ACBD7: variants seen among roughly 807,000 people sequenced by gnomAD.
ACBD7 encodes acyl-CoA-binding domain-containing protein 7.
ACBD7 carries 11 observed loss-of-function variants against 13.7 expected under a neutral mutation model. That is an observed-to-expected ratio of 0.80 (90% CI 0.50 to 1.33). The LOEUF (loss-of-function observed/expected upper bound fraction) is 1.33. ACBD7 is among the 40% of genes most tolerant of loss of function. The probability of loss-of-function intolerance (pLI) is 0.00; values close to 1 mark genes in which losing one functional copy is unlikely to be tolerated. For missense variants in ACBD7, 111 were observed against 103.0 expected, an observed-to-expected ratio of 1.08 and a Z score of -0.33; for synonymous variants, 43 against 37.7, an observed-to-expected ratio of 1.14 and a Z score of -0.51.
chr10:15,078,977 G>T lies in ACBD7; in HGVS notation c.76C>A (p.Leu26Met). 1 of 1,608,390 alleles carries T rather than the reference G, an allele frequency of 6.2e-7. No homozygotes were observed. The highest frequency in any genetic ancestry group is 1.1e-5 in the South Asian group (1 of 90,284). The change falls in exon 2 of 4, where the codon CTG (leucine) becomes ATG (methionine). Residue 26 changes from leucine to methionine, a missense_variant. Physicochemically the swap from Leu to Met is conservative, Grantham distance 15. Coordinates refer to ENST00000356189, the MANE Select transcript of ACBD7 (RefSeq NM_001039844.3). ...TTGTAAAGCCCATAGAGTTCTTTCA[G>T]TTCTCCATCATCTGGTCTTGCTTTC... ...KLKARPDDGE[L>M]KELYGLYKQA...
chr10:15,078,015 T>C lies in ACBD7; in HGVS notation c.*515A>G, dbSNP rs1333184220. The C allele has an allele frequency of 6.5e-6, 1 of 154,114 alleles. No homozygotes were observed. Among genetic ancestry groups the C allele is most frequent in the Non-Finnish European group, 1.4e-5 (1 of 69,262 alleles). The allele number at this position is 154,114 out of a possible 1,614,324, so 9.5% of individuals were successfully genotyped here. On this transcript the variant is annotated 3_prime_UTR_variant, in exon 4 of 4. Transcript: ENST00000356189. ...AACGTGCAGTTTTGTTACATAGGTATACATGTGCCATGGTGGTTTGCTGTA... is the reference window on the plus strand; with the variant it reads ...AACGTGCAGTTTTGTTACATAGGTACACATGTGCCATGGTGGTTTGCTGTA...
At chr10:15,084,412 A>C (rs1202420448) in intron 1 of ACBD7, among the ~76,000 whole-genome samples, 1 of 152,182 alleles carries the variant, frequency 6.6e-6, no homozygotes, top group Admixed American at 6.6e-5. Context: ...ATTCCAAAGC[A>C]TTCTTGTTAC....
intron 1 of ACBD7, among the ~76,000 whole-genome samples, chr10:15,085,134 G>C (rs1844794851): frequency 6.6e-6 from 1 of 152,184 alleles, no homozygotes; most frequent in South Asian, 2.1e-4. Context: ...CGGCATCCTG[G>C]TTGAATGTTT....
chr10:15,076,038 C>A lies in ACBD7; in HGVS notation c.*2492G>T. ...GTTATATAAATGGAATTATACATGT[C>A]ACATTTGGGGACTGGCTTTTTCTGC... On this transcript the variant is annotated 3_prime_UTR_variant, in exon 4 of 4. Coordinates refer to ENST00000356189, the MANE Select transcript of ACBD7 (RefSeq NM_001039844.3). 2.6e-6 allele frequency: 2 copies of A among 779,782 alleles called. No individual in the cohort carries two copies. Among genetic ancestry groups the A allele is most frequent in the Non-Finnish European group, 3.1e-6 (2 of 642,824 alleles). 48.3% of individuals were successfully genotyped at this position (779,782 alleles called of 1,614,324 possible).
intron 1 of ACBD7, among the ~76,000 whole-genome samples, chr10:15,085,209 C>A (rs1166442798): frequency 6.6e-6 from 1 of 152,236 alleles, no homozygotes; most frequent in African/African-American, 2.4e-5. Flanking sequence ...AAGGCTACTA[C>A]AGCCCCTCCC....
intron 1 of ACBD7, among the ~76,000 whole-genome samples, chr10:15,084,528 G>T (rs543885651): frequency 6.6e-6 from 1 of 152,218 alleles, no homozygotes; most frequent in Non-Finnish European, 1.5e-5. Context: ...TTTACTGAAA[G>T]CGAAAGTACA....
At chr10:15,083,040 A>T (rs1844767889) in intron 1 of ACBD7, among the ~76,000 whole-genome samples, 1 of 152,128 alleles carries the variant, frequency 6.6e-6, no homozygotes, top group African/African-American at 2.4e-5. Context: ...CCGTCTCAAA[A>T]AAAAGAAAAA....
At chr10:15,084,623 TC>T (rs1315801172) in intron 1 of ACBD7, among the ~76,000 whole-genome samples, 1 of 152,212 alleles carries the variant, frequency 6.6e-6, no homozygotes, top group Non-Finnish European at 1.5e-5. Context: ...TCCAGAGGCT[TC>T]CCATTGGTTA....
At chr10:15,084,615 C>T (rs12263672) in intron 1 of ACBD7, among the ~76,000 whole-genome samples, 5,108 of 152,234 alleles carry the variant, frequency 0.034, 296 homozygotes, top group African/African-American at 0.12. Context: ...AAACGCCCTC[C>T]AGAGGCTTCC....
intron 1 of ACBD7, among the ~76,000 whole-genome samples, chr10:15,079,491 T>G (rs1844724617): frequency 6.6e-6 from 1 of 151,980 alleles, no homozygotes; most frequent in Non-Finnish European, 1.5e-5. Context: ...GCCAGGCTTG[T>G]CTTGAACTCC....
At chr10:15,082,035 C>T (rs1247480003) in intron 1 of ACBD7, among the ~76,000 whole-genome samples, 3 of 152,178 alleles carry the variant, frequency 2.0e-5, no homozygotes, top group African/African-American at 7.2e-5. Flanking sequence ...CACCTGTAAT[C>T]CCAGCACTTT....
intron 1 of ACBD7, among the ~76,000 whole-genome samples, chr10:15,085,659 T>C (rs7912191): frequency 0.33 from 50,091 of 152,114 alleles, 10,189 homozygotes; most frequent in African/African-American, 0.58. Flanking sequence ...AAGAAGTCTG[T>C]TTTTTAGCTT....
rs1268563426 is a variant in ACBD7, at chr10:15,075,992, A to G, written c.*2538T>C. ...CTGTCTCAACAAAAAAAAAAAAAAA[A>G]AAAAAGAAAAGAAAAAGAATGTTAT... On this transcript the variant is annotated 3_prime_UTR_variant, in exon 4 of 4. Transcript: ENST00000356189. 10 of 642,752 alleles carry G rather than the reference A, an allele frequency of 1.6e-5. No individual in the cohort carries two copies. The highest frequency in any genetic ancestry group is 1.4e-4 in the East Asian group (1 of 7,356). 39.8% of individuals were successfully genotyped at this position (642,752 alleles called of 1,614,324 possible).
chr10:15,078,802 A>C (rs764393293), intron 2 of ACBD7, 49 bp from the exon 3 acceptor site: 3 of 1,578,338 alleles, frequency 1.9e-6, no homozygotes, highest in South Asian at 1.1e-5. Context: ...TTTACTGTGC[A>C]CTTCTATAGA....
chr10:15,085,528 C>G (rs1009111737), intron 1 of ACBD7, among the ~76,000 whole-genome samples: 2 of 152,202 alleles, frequency 1.3e-5, no homozygotes, highest in African/African-American at 2.4e-5. Flanking sequence ...AATTCTCACA[C>G]TCAAGGAACT....
intron 1 of ACBD7, among the ~76,000 whole-genome samples, chr10:15,083,316 T>A (rs1018311407): frequency 6.6e-6 from 1 of 152,204 alleles, no homozygotes; most frequent in African/African-American, 2.4e-5. Flanking sequence ...CATGATGAGC[T>A]GGAGTACAAA....
At position 15,076,473 on chromosome 10, in the gene ACBD7, T is replaced by C; in HGVS notation, c.*2057A>G. 1.0e-6 allele frequency: 1 copy of C among 961,732 alleles called. No homozygotes were observed. The highest frequency in any genetic ancestry group is 1.2e-6 in the Non-Finnish European group (1 of 808,768). The allele number at this position is 961,732 out of a possible 1,614,324, so 59.6% of individuals were successfully genotyped here. On this transcript the variant is annotated 3_prime_UTR_variant, in exon 4 of 4. Transcript: ENST00000356189. Reference sequence around the variant, plus strand: ...GATATTCCTATGGGGGCTTTTTAAATTTCTTTAAACTGCTATGGACAGACT... The same window carrying C: ...GATATTCCTATGGGGGCTTTTTAAACTTCTTTAAACTGCTATGGACAGACT...
chr10:15,082,745 C>T (rs1844764157), intron 1 of ACBD7, among the ~76,000 whole-genome samples: 2 of 151,946 alleles, frequency 1.3e-5, no homozygotes, highest in Non-Finnish European at 2.9e-5. Flanking sequence ...TTCTTGAAAA[C>T]CCATATGAGG....
chr10:15,083,618 T>C (rs1246306259), intron 1 of ACBD7, among the ~76,000 whole-genome samples: 1 of 152,094 alleles, frequency 6.6e-6, no homozygotes, highest in Non-Finnish European at 1.5e-5. Context: ...GTAGCTAGGA[T>C]TACAGGCATG....
Sources: gnomAD v4.1 joint callset for allele counts (sites outside exome capture counted in the v4.1 genomes callset) on GRCh38, gnomAD v4.1.1 for gene constraint, MANE v1.5 for transcripts, NCBI Gene and HGNC (gene_info 2026-07-23, HGNC 2026-07-21) for gene names.